Variants in SLCO3A1 observed in about 807,000 individuals in gnomAD.
The protein encoded by SLCO3A1 is solute carrier organic anion transporter family member 3A1.
In SLCO3A1, 27 loss-of-function variants were observed where a neutral mutation model predicts 63.1. The observed-to-expected ratio is 0.43, with a 90% CI of 0.32 to 0.59. The LOEUF (loss-of-function observed/expected upper bound fraction) is 0.59. SLCO3A1 is among the 20% of genes least tolerant of loss of function. SLCO3A1 has a pLI of 0.09. For missense variants in SLCO3A1, 773 were observed against 945.8 expected (o/e 0.82, Z 2.40); for synonymous variants, 473 against 409.9 (o/e 1.15, Z -1.86).
At chr15:92,144,573 G>A (rs1885814506) in intron 7 of SLCO3A1, among the ~76,000 whole-genome samples, 1 of 152,156 alleles carries the variant, frequency 6.6e-6, no homozygotes, top group Admixed American at 6.5e-5. Context: ...GTTGTCAGAG[G>A]TTCTGCCTGT....
intron 2 of SLCO3A1, among the ~76,000 whole-genome samples, chr15:92,066,130 A>ATGCTTGTG (rs1477267947): frequency 3.3e-5 from 5 of 152,208 alleles, no homozygotes; most frequent in African/African-American, 1.2e-4. Flanking sequence ...TGGAGAAGAA[A>ATGCTTGTG]TTCCAAACAG....
intron 3 of SLCO3A1, among the ~76,000 whole-genome samples, chr15:92,096,653 A>ATC (rs1781773474): frequency 6.6e-6 from 1 of 152,172 alleles, no homozygotes; most frequent in African/African-American, 2.4e-5. Context: ...TCAATCCATC[A>ATC]TCTCTTGACA....
At chr15:91,984,211 G>A (rs761619027) in intron 2 of SLCO3A1, among the ~76,000 whole-genome samples, 77 of 152,184 alleles carry the variant, frequency 5.1e-4, no homozygotes, top group Non-Finnish European at 2.8e-4. Context: ...TCCAGGAGGC[G>A]GTAGTGGGAA....
chr15:92,125,006 C>G (rs1048693825), intron 5 of SLCO3A1, among the ~76,000 whole-genome samples: 3 of 152,150 alleles, frequency 2.0e-5, no homozygotes, highest in Non-Finnish European at 4.4e-5. Flanking sequence ...GGAAGAAAAC[C>G]AAGCACAGAT....
At chr15:91,935,273 G>A (rs1397845131) in intron 2 of SLCO3A1, among the ~76,000 whole-genome samples, 1 of 152,174 alleles carries the variant, frequency 6.6e-6, no homozygotes, top group Non-Finnish European at 1.5e-5. Context: ...GGATAAATAA[G>A]AAATAGTAAG....
At chr15:91,985,295 T>G (rs538519887) in intron 2 of SLCO3A1, among the ~76,000 whole-genome samples, 49 of 152,352 alleles carry the variant, frequency 3.2e-4, no homozygotes, top group African/African-American at 1.1e-3. Flanking sequence ...TGTTGTCACA[T>G]GTAGTTGTAG....
intron 2 of SLCO3A1, among the ~76,000 whole-genome samples, chr15:92,058,586 G>A (rs74030447): frequency 0.041 from 6,195 of 152,168 alleles, 397 homozygotes; most frequent in African/African-American, 0.14. Flanking sequence ...TTCACGTAGG[G>A]ACACCTAGTG....
chr15:92,014,593 T>C (rs142396609), intron 2 of SLCO3A1, among the ~76,000 whole-genome samples: 1 of 152,274 alleles, frequency 6.6e-6, no homozygotes, highest in African/African-American at 2.4e-5. Flanking sequence ...CTCTCCTCCT[T>C]GTCACAAAAC....
intron 2 of SLCO3A1, among the ~76,000 whole-genome samples, chr15:92,067,454 A>G (rs1018163494): frequency 6.6e-5 from 10 of 152,324 alleles, no homozygotes; most frequent in Admixed American, 3.9e-4. Flanking sequence ...GAATGACATT[A>G]AGAGACTGAA....
At chr15:92,107,654 TTTC>T (rs1307728882) in intron 4 of SLCO3A1, among the ~76,000 whole-genome samples, 1 of 152,156 alleles carries the variant, frequency 6.6e-6, no homozygotes, top group Non-Finnish European at 1.5e-5. Flanking sequence ...TCCAAATGGG[TTTC>T]TTCTTTGGCC....
intron 2 of SLCO3A1, among the ~76,000 whole-genome samples, chr15:92,050,900 C>T (rs1406227991): frequency 6.6e-6 from 1 of 152,132 alleles, no homozygotes; most frequent in Non-Finnish European, 1.5e-5. Context: ...AAACTCACTC[C>T]CACTTAAGAC....
intron 2 of SLCO3A1, among the ~76,000 whole-genome samples, chr15:91,918,656 A>T (rs916376302): frequency 6.6e-6 from 1 of 152,262 alleles, no homozygotes; most frequent in Non-Finnish European, 1.5e-5. Context: ...TGAGCTATAA[A>T]AAAAGTGTTT....
intron 2 of SLCO3A1, among the ~76,000 whole-genome samples, chr15:92,034,155 G>C (rs1293590603): frequency 6.6e-6 from 1 of 151,628 alleles, no homozygotes; most frequent in Non-Finnish European, 1.5e-5. Context: ...AGTGGGGGCT[G>C]TATGCAGGGA....
chr15:92,053,279 C>G (rs995810662), intron 2 of SLCO3A1, among the ~76,000 whole-genome samples: 10 of 152,064 alleles, frequency 6.6e-5, no homozygotes, highest in Non-Finnish European at 1.3e-4. Flanking sequence ...TCTTGGAGCC[C>G]CCTTTTTATA....
intron 2 of SLCO3A1, among the ~76,000 whole-genome samples, chr15:92,090,808 C>T (rs1359324323): frequency 6.6e-6 from 1 of 152,154 alleles, no homozygotes; most frequent in African/African-American, 2.4e-5. Flanking sequence ...TTTAACAAAC[C>T]CTTCCCTGGG....
chr15:91,881,891 G>C lies in SLCO3A1; in HGVS notation c.180+27803G>C, dbSNP rs572362290. Among the ~76,000 whole-genome samples the C allele has an allele frequency of 2.0e-5, 3 of 152,322 alleles. No homozygotes were observed. In the East Asian group the frequency reaches 5.8e-4, roughly 29 times the overall value. On this transcript the variant is annotated intron_variant, in intron 1 of 9. Coordinates refer to ENST00000318445, the MANE Select transcript of SLCO3A1 (RefSeq NM_013272.4). Reference sequence around the variant, plus strand: ...TTTACCACTGGAATGTCATGCTTGAGTGAGGTAACCCTGCTCCATCCCTGG... The same window carrying C: ...TTTACCACTGGAATGTCATGCTTGACTGAGGTAACCCTGCTCCATCCCTGG...
chr15:91,889,218 A>G, intron 1 of SLCO3A1: 1 of 1,253,544 alleles, frequency 8.0e-7, no homozygotes, highest in Non-Finnish European at 1.0e-6. Flanking sequence ...AAGTTCTAAA[A>G]TTGTTGCCAG....
At chr15:92,088,927 G>A (rs1309368291) in intron 2 of SLCO3A1, among the ~76,000 whole-genome samples, 5 of 152,128 alleles carry the variant, frequency 3.3e-5, no homozygotes, top group Admixed American at 1.3e-4. Context: ...GGGATGTGGA[G>A]GTTTTTGGGG....
intron 2 of SLCO3A1, among the ~76,000 whole-genome samples, chr15:91,987,196 C>T (rs763693135): frequency 2.0e-5 from 3 of 152,086 alleles, no homozygotes; most frequent in Non-Finnish European, 4.4e-5. Context: ...GGAACAAAAC[C>T]CAGTTCTTTG....
Sources: gnomAD v4.1 joint callset for allele counts (sites outside exome capture counted in the v4.1 genomes callset) on GRCh38, gnomAD v4.1.1 for gene constraint, MANE v1.5 for transcripts, NCBI Gene and HGNC (gene_info 2026-07-23, HGNC 2026-07-21) for gene names.